The following ABRAXAS1 variants were observed in gnomAD, a reference collection of about 807,000 sequenced individuals.
ABRAXAS1 encodes the protein abraxas 1, BRCA1 A complex subunit.
Under a neutral mutation model 38.4 loss-of-function variants are expected in ABRAXAS1, and 26 were observed. The observed-to-expected ratio is 0.68, with a 90% CI of 0.50 to 0.94. ABRAXAS1 has a LOEUF of 0.94. Ranked by LOEUF, ABRAXAS1 falls within the 40% of genes least tolerant of loss-of-function variation. ABRAXAS1 has a pLI of 0.00. For missense variants in ABRAXAS1, 438 were observed against 481.9 expected (o/e 0.91, Z 0.85); for synonymous variants, 144 against 165.5 (o/e 0.87, Z 1.00).
intron 1 of ABRAXAS1, chr4:83,484,002 C>T (rs1233380170): frequency 1.0e-6 from 1 of 982,316 alleles, no homozygotes; most frequent in Non-Finnish European, 1.2e-6. Context: ...CAATTCCAAC[C>T]TTTATTAGGA....
Position 83,461,605 on chromosome 4 carries a change from G to T in ABRAXAS1, c.*864C>A. ...AGAAGGACAAAATATTCCTAGACGAGTCTACCCTCAAACCAGTAGTGTCTT... is the reference window on the plus strand; with the variant it reads ...AGAAGGACAAAATATTCCTAGACGATTCTACCCTCAAACCAGTAGTGTCTT... On this transcript the variant is annotated 3_prime_UTR_variant, in exon 9 of 9. Transcript: ENST00000321945. 1 of 293,346 alleles carries T rather than the reference G, an allele frequency of 3.4e-6. No homozygotes were observed. The highest frequency in any genetic ancestry group is 7.2e-5 in the South Asian group (1 of 13,880). 18.2% of individuals were successfully genotyped at this position (293,346 alleles called of 1,614,324 possible).
rs752871858 is a variant in ABRAXAS1 at position 83,485,055 on chromosome 4, C to A, written c.18G>T (p.Thr6=). Residue 6 remains threonine (T), a synonymous_variant, in exon 1 of 9, where the codon ACG becomes ACT. Transcript: ENST00000321945. MEGES[T]SAVLSGFVLG... Reference sequence around the variant, plus strand: ...GCACAAAGCCCGAGAGCACCGCCGACGTACTCTCCCCCTCCATGCTACCGC... The same window carrying A: ...GCACAAAGCCCGAGAGCACCGCCGAAGTACTCTCCCCCTCCATGCTACCGC... 2 of 1,593,426 alleles carry A rather than the reference C, an allele frequency of 1.3e-6. No homozygotes were observed. Among genetic ancestry groups the A allele is most frequent in the East Asian group, 4.7e-5 (2 of 42,652 alleles).
chr4:83,468,752 C>T (rs926027060), intron 6 of ABRAXAS1, among the ~76,000 whole-genome samples: 1 of 152,070 alleles, frequency 6.6e-6, no homozygotes, highest in Admixed American at 6.6e-5. Context: ...GTTGCCCAGG[C>T]TAGTCTCCAA....
At chr4:83,463,154 G>A (rs1722207488) in intron 8 of ABRAXAS1, among the ~76,000 whole-genome samples, 2 of 152,202 alleles carry the variant, frequency 1.3e-5, no homozygotes, top group South Asian at 4.1e-4. Flanking sequence ...AAAGGGCCGA[G>A]CGCAGTGGCT....
At chr4:83,478,102 T>C (rs1722852641) in intron 2 of ABRAXAS1, 1 of 854,956 alleles carries the variant, frequency 1.2e-6, no homozygotes, top group Admixed American at 1.8e-5. Flanking sequence ...TACCAGTCTA[T>C]GATTTTACTA....
At chr4:83,469,840 T>C (rs1316476167) in intron 5 of ABRAXAS1, 1 of 162,646 alleles carries the variant, frequency 6.1e-6, no homozygotes, top group Non-Finnish European at 1.3e-5. Context: ...CATCAAGAGC[T>C]ACTTTGTTTC....
chr4:83,469,942 T>G lies in ABRAXAS1; in HGVS notation c.476+261A>C, dbSNP rs1348013166. ...TTATCAATCAATTAAAAAAAAAGTT[T>G]TTTTCCACCTTAAGTAGTAAATAAG... On this transcript the variant is annotated intron_variant, in intron 5 of 8. Transcript: ENST00000321945. The G allele has an allele frequency of 1.4e-5, 4 of 287,368 alleles. No homozygotes were observed. In the East Asian group the frequency reaches 1.8e-4, roughly 13 times the overall value. The allele number at this position is 287,368 out of a possible 1,614,324, so 17.8% of individuals were successfully genotyped here.
In ABRAXAS1 at chr4:83,484,995, G is replaced by C. The variant is rs778557057; in HGVS notation, c.78C>G (p.Asp26Glu). The C allele has an allele frequency of 1.3e-6, 2 of 1,588,832 alleles. No homozygotes were observed. Among genetic ancestry groups the C allele is most frequent in the Non-Finnish European group, 1.7e-6 (2 of 1,167,932 alleles). Residue 26 changes from aspartate to glutamate, a missense_variant, in exon 1 of 9, where the codon GAC becomes GAG. Around this residue, in one of 3 missense-constraint regions of ABRAXAS1, gnomAD observed 194 missense variants for 269.0 expected, o/e 0.72. Coordinates refer to ENST00000321945, the MANE Select transcript of ABRAXAS1 (RefSeq NM_139076.3). Reference protein sequence around the residue: ...GALAFQHLNTDSDTEGFLLGE... With the variant: ...GALAFQHLNTESDTEGFLLGE... ...CCGTCCCTCGGCTCACCGTGTCCGA[G>C]TCCGTGTTGAGGTGCTGGAAAGCGA...
intron 4 of ABRAXAS1, among the ~76,000 whole-genome samples, chr4:83,471,825 A>C (rs1397563427): frequency 6.6e-6 from 1 of 152,006 alleles, no homozygotes; most frequent in Non-Finnish European, 1.5e-5. Flanking sequence ...AGCCTAGATC[A>C]CACCACTGCA....
intron 1 of ABRAXAS1, 77 bp downstream of exon 1, chr4:83,484,909 G>A: frequency 2.3e-6 from 3 of 1,287,292 alleles, no homozygotes; most frequent in Non-Finnish European, 3.2e-6. Flanking sequence ...GCGGGGACCG[G>A]AGCAACAGCG....
At chr4:83,477,625 A>G (rs1226967804) in intron 2 of ABRAXAS1, 7 of 507,080 alleles carry the variant, frequency 1.4e-5, no homozygotes, top group African/African-American at 1.2e-4. Flanking sequence ...AACTTTCCCC[A>G]TGGACCTTGC....
At chr4:83,481,360 C>T (rs1433046038) in intron 2 of ABRAXAS1, among the ~76,000 whole-genome samples, 2 of 152,174 alleles carry the variant, frequency 1.3e-5, no homozygotes, top group Non-Finnish European at 2.9e-5. Context: ...AGGTTCTCCC[C>T]TGCTTTTCCC....
chr4:83,462,508 C>G lies in ABRAXAS1; in HGVS notation c.1191G>C (p.Met397Ile), dbSNP rs1267149361. 6.2e-7 allele frequency: 1 copy of G among 1,613,932 alleles called. No individual in the cohort carries two copies. The highest frequency in any genetic ancestry group is 1.1e-5 in the South Asian group (1 of 91,056). Reference protein sequence around the residue: ...SPETDEEIEKMKGFGEYSRSP... With the variant: ...SPETDEEIEKIKGFGEYSRSP... Reference sequence around the variant, plus strand: ...ACCGTGAATATTCACCAAAACCCTTCATCTTTTCAATTTCTTCATCTGTTT... The same window carrying G: ...ACCGTGAATATTCACCAAAACCCTTGATCTTTTCAATTTCTTCATCTGTTT... Residue 397 changes from methionine to isoleucine, a missense_variant, in exon 9 of 9, where the codon ATG becomes ATC. Met to Ile is a conservative substitution (Grantham distance 10). This residue lies in a region of ABRAXAS1 where 184 missense variants were observed against 181.9 expected (regional missense o/e 1.01). Transcript: ENST00000321945.
intron 2 of ABRAXAS1, among the ~76,000 whole-genome samples, chr4:83,481,924 A>G (rs1299070545): frequency 6.6e-6 from 1 of 151,836 alleles, no homozygotes; most frequent in African/African-American, 2.4e-5. Flanking sequence ...TAATTTTTGT[A>G]TTTTTAGTAG....
Position 83,460,056 on chromosome 4 carries a change from C to A in ABRAXAS1, c.*2413G>T. On this transcript the variant is annotated 3_prime_UTR_variant, in exon 9 of 9. Transcript: ENST00000321945. ...TTGATGTTTTGGAATATACTATAAT[C>A]ATTCCTAGATTGATACTTAAACTTG... 3.2e-6 allele frequency: 1 copy of A among 309,324 alleles called. No homozygotes were observed. The highest frequency in any genetic ancestry group is 5.9e-6 in the Non-Finnish European group (1 of 170,116). 19.2% of individuals were successfully genotyped at this position (309,324 alleles called of 1,614,324 possible).
chr4:83,473,901 G>A (rs1578131122), intron 3 of ABRAXAS1, among the ~76,000 whole-genome samples: 2 of 151,842 alleles, frequency 1.3e-5, no homozygotes, highest in Admixed American at 6.6e-5. Context: ...GGAGGCTGAG[G>A]TGGGTGGATC....
Position 83,462,834 on chromosome 4 carries a change from G to GA in ABRAXAS1, c.864dup (p.Pro289SerfsTer4), listed in dbSNP as rs35378950. ...CATGAATGAAGAAATTCAGAATTTGGAAAAAAGGTCCGTAATGCCTGACAA... is the reference window on the plus strand; with the variant it reads ...CATGAATGAAGAAATTCAGAATTTGGAAAAAAAGGTCCGTAATGCCTGACAA... On this transcript the variant is annotated frameshift_variant, in exon 9 of 9. Transcript: ENST00000321945. LOFTEE classifies it low-confidence loss of function (END_TRUNC). The GA allele has an allele frequency of 9.3e-6, 15 of 1,608,870 alleles. No individual in the cohort carries two copies. Among genetic ancestry groups the GA allele is most frequent in the Non-Finnish European group, 9.3e-6 (11 of 1,178,524 alleles).
chr4:83,478,035 T>C, intron 2 of ABRAXAS1: 2 of 981,738 alleles, frequency 2.0e-6, no homozygotes, highest in Non-Finnish European at 3.2e-6. Context: ...ACCAGGGGTC[T>C]GTGGAGGAGT....
rs758612033 is a variant in ABRAXAS1, at chr4:83,462,322, AAG to A, written c.*145_*146del. 3.5e-5 allele frequency: 24 copies of A among 678,024 alleles called. No homozygotes were observed. The highest frequency in any genetic ancestry group is 6.0e-5 in the Non-Finnish European group (24 of 402,654). The allele number at this position is 678,024 out of a possible 1,614,324, so 42.0% of individuals were successfully genotyped here. A position where few individuals can be genotyped will look rare whatever the true frequency, so the allele number is the denominator to read the frequency against. ...AAGTACTTTGTGAAGTAAATGCACTAAGAGTTATCTGTGTATTACTGCAAACA... is the reference window on the plus strand; with the variant it reads ...AAGTACTTTGTGAAGTAAATGCACTAAGTTATCTGTGTATTACTGCAAACA... On this transcript the variant is annotated 3_prime_UTR_variant, in exon 9 of 9. Transcript: ENST00000321945.
Sources: allele counts gnomAD v4.1 joint callset (sites outside exome capture counted in the v4.1 genomes callset), GRCh38; gene constraint gnomAD v4.1.1; regional missense constraint gnomAD v4.1.1; transcripts MANE v1.5; gene names NCBI Gene and HGNC (gene_info 2026-07-23, HGNC 2026-07-21).